ATRNL1: variants seen among roughly 807,000 people sequenced by gnomAD.
The protein encoded by ATRNL1 is attractin-like protein 1.
ATRNL1 carries 95 observed loss-of-function variants against 182.7 expected under a neutral mutation model. That is an observed-to-expected ratio of 0.52 (90% confidence interval 0.44 to 0.62). ATRNL1 has a LOEUF of 0.62. Ranked by LOEUF, ATRNL1 falls within the 20% of genes least tolerant of loss-of-function variation. The probability of loss-of-function intolerance (pLI) is 0.00; values close to 1 mark genes in which losing one functional copy is unlikely to be tolerated. For missense variants in ATRNL1, 1,471 were observed against 1,679.5 expected (o/e 0.88, Z 2.17); for synonymous variants, 576 against 568.3 (o/e 1.01, Z -0.19).
chr10:115,940,683 CTCTCTCTCTCTCTCT>C (rs201874324), intron 28 of ATRNL1, among the ~76,000 whole-genome samples: 24,138 of 102,532 alleles, frequency 0.24, 2,072 homozygotes, highest in African/African-American at 0.25. Context: ...CTCTCTCTCT[CTCTCTCTCTCTCTCT>C]TCTCTCTCTC....
In ATRNL1 at chr10:115,933,653, C is replaced by G. The variant is rs139360254; in HGVS notation, c.4019-11005C>G. 3.3e-3 allele frequency among the ~76,000 whole-genome samples: 496 copies of G among 152,308 alleles called. 2 individuals are homozygous for G. The highest frequency in any genetic ancestry group is 0.011 in the African/African-American group (477 of 41,574). On this transcript the variant is annotated intron_variant, in intron 28 of 28. Coordinates refer to ENST00000355044, the MANE Select transcript of ATRNL1 (RefSeq NM_207303.4). ...CAAGAGAAATTTCTCAAGAGACATG[C>G]TGAATTTCAAGTCAAGAACAACTTG... is the stretch of plus-strand genomic sequence containing the variant.
intron 1 of ATRNL1, among the ~76,000 whole-genome samples, chr10:115,104,850 A>C (rs1843930889): frequency 6.6e-6 from 1 of 151,822 alleles, no homozygotes; most frequent in African/African-American, 2.4e-5. Flanking sequence ...AAATGAGTTC[A>C]CTGTAAGTAT....
chr10:115,335,560 A>G (rs115632017), intron 19 of ATRNL1, among the ~76,000 whole-genome samples: 1,974 of 152,340 alleles, frequency 0.013, 38 homozygotes, highest in African/African-American at 0.044. Context: ...AACTGATTCA[A>G]CATTTGAGTC....
chr10:115,541,621 A>G (rs571827850), intron 25 of ATRNL1, among the ~76,000 whole-genome samples: 1 of 152,312 alleles, frequency 6.6e-6, no homozygotes, highest in Non-Finnish European at 1.5e-5. Flanking sequence ...CCCAAAAATA[A>G]TAGAATGGAA....
At chr10:115,491,827 G>T (rs1247269434) in intron 24 of ATRNL1, among the ~76,000 whole-genome samples, 1 of 152,120 alleles carries the variant, frequency 6.6e-6, no homozygotes, top group South Asian at 2.1e-4. Flanking sequence ...CTCAGTGTCT[G>T]CCCAAATGGC....
intron 26 of ATRNL1, among the ~76,000 whole-genome samples, chr10:115,658,753 T>C (rs1161358957): frequency 6.6e-6 from 1 of 152,090 alleles, no homozygotes; most frequent in Non-Finnish European, 1.5e-5. Context: ...AGGTCAGAGT[T>C]TTTCTCAAGG....
chr10:115,902,357 TA>T (rs34324061), intron 28 of ATRNL1, among the ~76,000 whole-genome samples: 147 of 151,666 alleles, frequency 9.7e-4, no homozygotes, highest in African/African-American at 3.0e-3. Flanking sequence ...TATCTTCTTT[TA>T]AAAAAAAATG....
At chr10:115,874,380 C>T (rs1555106747) in intron 28 of ATRNL1, among the ~76,000 whole-genome samples, 1 of 152,196 alleles carries the variant, frequency 6.6e-6, no homozygotes, top group African/African-American at 2.4e-5. Context: ...AATCAGGTCC[C>T]TGCCTTGTCT....
intron 27 of ATRNL1, among the ~76,000 whole-genome samples, chr10:115,727,877 C>T (rs1555060841): frequency 1.3e-5 from 2 of 151,830 alleles, no homozygotes; most frequent in African/African-American, 2.4e-5. Flanking sequence ...ATTGCAAAGG[C>T]AGAAATAGAG....
At chr10:115,535,721 T>C (rs1457494360) in intron 25 of ATRNL1, among the ~76,000 whole-genome samples, 2 of 152,128 alleles carry the variant, frequency 1.3e-5, no homozygotes, top group Non-Finnish European at 1.5e-5. Flanking sequence ...GCTCTGTTTT[T>C]TCCCCATCTT....
chr10:115,420,129 C>T (rs968229324), intron 20 of ATRNL1, among the ~76,000 whole-genome samples: 2 of 151,186 alleles, frequency 1.3e-5, no homozygotes, highest in East Asian at 1.9e-4. Context: ...GTGCAACCTC[C>T]GCCTCCCAGG....
chr10:115,662,632 T>G (rs1555038375), intron 26 of ATRNL1, among the ~76,000 whole-genome samples: 1 of 152,180 alleles, frequency 6.6e-6, no homozygotes, highest in Non-Finnish European at 1.5e-5. Context: ...TAGTTGGCAA[T>G]AACATCTGAT....
At chr10:115,834,220 C>T (rs1950618974) in intron 27 of ATRNL1, among the ~76,000 whole-genome samples, 1 of 152,218 alleles carries the variant, frequency 6.6e-6, no homozygotes, top group Non-Finnish European at 1.5e-5. Context: ...TCTTATTCTA[C>T]TGGCATCCCA....
intron 27 of ATRNL1, among the ~76,000 whole-genome samples, chr10:115,845,477 T>A (rs1413869185): frequency 6.6e-6 from 1 of 152,084 alleles, no homozygotes; most frequent in African/African-American, 2.4e-5. Context: ...GAAGTTTAGT[T>A]ATTTTTTGTT....
intron 9 of ATRNL1, among the ~76,000 whole-genome samples, chr10:115,227,046 A>G (rs781875747): frequency 2.0e-5 from 3 of 152,172 alleles, no homozygotes; most frequent in Non-Finnish European, 2.9e-5. Flanking sequence ...CCCAAAAGTA[A>G]TTGCAACAAA....
chr10:115,565,178 A>G (rs191480027), intron 26 of ATRNL1, among the ~76,000 whole-genome samples: 26 of 152,182 alleles, frequency 1.7e-4, no homozygotes, highest in African/African-American at 5.5e-4. Flanking sequence ...CAAAAACTAC[A>G]TGGCTCTAAC....
intron 27 of ATRNL1, among the ~76,000 whole-genome samples, chr10:115,816,821 G>A (rs1415830896): frequency 1.3e-5 from 2 of 152,096 alleles, no homozygotes; most frequent in Non-Finnish European, 2.9e-5. Flanking sequence ...AAGAAAATTG[G>A]TAACTCTGAT....
chr10:115,707,691 T>A (rs1047825069), intron 26 of ATRNL1, among the ~76,000 whole-genome samples: 17 of 151,722 alleles, frequency 1.1e-4, no homozygotes, highest in South Asian at 2.1e-4. Context: ...CCTTGAAAAA[T>A]TTTTAATGGT....
intron 26 of ATRNL1, among the ~76,000 whole-genome samples, chr10:115,552,525 A>G (rs1554995794): frequency 6.6e-6 from 1 of 151,414 alleles, no homozygotes; most frequent in Non-Finnish European, 1.5e-5. Context: ...TCTAAATGTA[A>G]TGAAAGTTTA....
Sources: allele counts gnomAD v4.1 joint callset (sites outside exome capture counted in the v4.1 genomes callset), GRCh38; gene constraint gnomAD v4.1.1; transcripts MANE v1.5; gene names NCBI Gene and HGNC (gene_info 2026-07-23, HGNC 2026-07-21).